TNIK: variants seen among roughly 807,000 people sequenced by gnomAD.
The protein encoded by TNIK is TRAF2 and NCK-interacting protein kinase.
In TNIK, 49 loss-of-function variants were observed where a neutral mutation model predicts 191.3. The observed-to-expected ratio is 0.26, with a 90% confidence interval of 0.20 to 0.32. The LOEUF (loss-of-function observed/expected upper bound fraction) is 0.32, where lower values mean the gene tolerates loss of function less well. TNIK is among the 10% of genes least tolerant of loss of function. The pLI is 1.00. For missense variants in TNIK, 1,155 were observed against 1,702.3 expected (o/e 0.68, Z 5.66); for synonymous variants, 594 against 600.9 (o/e 0.99, Z 0.17).
intron 2 of TNIK, among the ~76,000 whole-genome samples, chr3:171,348,500 A>C (rs1712622901): frequency 6.6e-6 from 1 of 152,162 alleles, no homozygotes; most frequent in Non-Finnish European, 1.5e-5. Flanking sequence ...ACAGCACAGG[A>C]CCTAGAGCCT....
chr3:171,232,785 A>G (rs897291608), intron 2 of TNIK, among the ~76,000 whole-genome samples: 2 of 152,182 alleles, frequency 1.3e-5, no homozygotes, highest in African/African-American at 2.4e-5. Context: ...GCAACAAACT[A>G]TGCTGATCCT....
At chr3:171,148,681 T>TA (rs1355373675) in intron 12 of TNIK, among the ~76,000 whole-genome samples, 1 of 152,200 alleles carries the variant, frequency 6.6e-6, no homozygotes, top group East Asian at 1.9e-4. Context: ...AACTTATACG[T>TA]AGAAAGGTTG....
At chr3:171,333,433 T>G (rs1756610839) in intron 2 of TNIK, among the ~76,000 whole-genome samples, 1 of 151,924 alleles carries the variant, frequency 6.6e-6, no homozygotes, top group Non-Finnish European at 1.5e-5. Context: ...GGCAGCCACC[T>G]GTAATCCCAG....
At chr3:171,166,976 C>G in intron 10 of TNIK, 119 bp downstream of exon 10, 3 of 1,273,182 alleles carry the variant, frequency 2.4e-6, no homozygotes, top group Non-Finnish European at 3.1e-6. Flanking sequence ...GACAGCCCCT[C>G]GCACTAAAGA....
At chr3:171,099,474 G>A (rs1397691955) in intron 22 of TNIK, among the ~76,000 whole-genome samples, 3 of 151,868 alleles carry the variant, frequency 2.0e-5, no homozygotes, top group African/African-American at 7.2e-5. Flanking sequence ...GCAATTAAAT[G>A]TAAATTATAG....
At chr3:171,433,564 GAC>G (rs1725632410) in intron 1 of TNIK, among the ~76,000 whole-genome samples, 1 of 152,008 alleles carries the variant, frequency 6.6e-6, no homozygotes, top group African/African-American at 2.4e-5. Flanking sequence ...TTGCATCACA[GAC>G]ACAGAACACA....
chr3:171,282,334 G>GTTTTTTTTTTTTCTTT (rs201489240), intron 2 of TNIK, among the ~76,000 whole-genome samples: 1 of 114,524 alleles, frequency 8.7e-6, no homozygotes, highest in Non-Finnish European at 1.8e-5. Context: ...TCTCTTAATG[G>GTTTTTTTTTTTTCTTT]TTTTTTGTTT....
At chr3:171,326,339 G>A (rs1003062808) in intron 2 of TNIK, among the ~76,000 whole-genome samples, 15 of 151,808 alleles carry the variant, frequency 9.9e-5, no homozygotes, top group Admixed American at 2.0e-4. Flanking sequence ...ACTGATTCTC[G>A]TTACAGAGTA....
chr3:171,068,075 A>T (rs1344346246), intron 30 of TNIK, among the ~76,000 whole-genome samples: 1 of 152,184 alleles, frequency 6.6e-6, no homozygotes, highest in Non-Finnish European at 1.5e-5. Context: ...TAGTCTTGGG[A>T]TTACACACAG....
chr3:171,367,872 T>C (rs1027981082), intron 2 of TNIK, among the ~76,000 whole-genome samples: 2 of 152,160 alleles, frequency 1.3e-5, no homozygotes, highest in Non-Finnish European at 2.9e-5. Context: ...AAATCTCCTG[T>C]CCCAAAGTTC....
rs548531716 is a variant in TNIK, at chr3:171,061,351, G to A, written c.*2530C>T. On this transcript the variant is annotated 3_prime_UTR_variant, in exon 33 of 33. Coordinates refer to ENST00000436636, the MANE Select transcript of TNIK (RefSeq NM_015028.4). ...TAAAAGGCATGGCTTGATGTTTAAC[G>A]TGTGTTTTATTGTTGTTGGCACCAG... 9.9e-5 allele frequency: 15 copies of A among 152,142 alleles called. No individual in the cohort carries two copies. The East Asian group carries it at 1.3e-3, about 14-fold the overall frequency. 9.4% of individuals were successfully genotyped at this position (152,142 alleles called of 1,614,324 possible). A position where few individuals can be genotyped will look rare whatever the true frequency, so the allele number is the denominator to read the frequency against.
At chr3:171,264,349 C>CAG (rs1748113665) in intron 2 of TNIK, among the ~76,000 whole-genome samples, 1 of 151,862 alleles carries the variant, frequency 6.6e-6, no homozygotes, top group Non-Finnish European at 1.5e-5. Flanking sequence ...CACACACACA[C>CAG]ACATATATAT....
intron 21 of TNIK, among the ~76,000 whole-genome samples, chr3:171,105,117 G>A (rs776084337): frequency 1.7e-4 from 25 of 150,406 alleles, no homozygotes; most frequent in Non-Finnish European, 2.8e-4. Flanking sequence ...AATAACAAGC[G>A]ACAATATTTC....
chr3:171,160,839 G>C (rs1257968673), intron 11 of TNIK, among the ~76,000 whole-genome samples: 2 of 152,132 alleles, frequency 1.3e-5, no homozygotes, highest in African/African-American at 4.8e-5. Context: ...AAATACCAAG[G>C]CATGTGACAA....
chr3:171,436,952 T>G (rs1726104042), intron 1 of TNIK, among the ~76,000 whole-genome samples: 1 of 152,120 alleles, frequency 6.6e-6, no homozygotes, highest in African/African-American at 2.4e-5. Context: ...GTCAAGAACC[T>G]TAACACCCCT....
chr3:171,190,749 T>G lies in TNIK; in HGVS notation c.456A>C (p.Arg152=). 2 of 1,597,442 alleles carry G rather than the reference T, an allele frequency of 1.3e-6. No individual in the cohort carries two copies. Among genetic ancestry groups the G allele is most frequent in the Non-Finnish European group, 1.7e-6 (2 of 1,170,958 alleles). The change falls in exon 6 of 33, where the codon CGA becomes CGC. Residue 152 remains arginine (R), a synonymous_variant. Coordinates refer to ENST00000436636, the MANE Select transcript of TNIK (RefSeq NM_015028.4). ...SHLHQHKVIH[R]DIKGQNVLLT... is the part of the protein sequence containing the mutation. ...GCAAGACATTTTGCCCTTTAATATC[T>G]CGATGAATCACTTTATGCTGGTGCA...
At chr3:171,182,202 G>C (rs1181207609) in intron 7 of TNIK, among the ~76,000 whole-genome samples, 1 of 76,006 alleles carries the variant, frequency 1.3e-5, no homozygotes, top group East Asian at 4.7e-4. Flanking sequence ...TTTTGGCTGG[G>C]GTTCTCTTGT....
intron 7 of TNIK, among the ~76,000 whole-genome samples, chr3:171,178,490 A>T (rs1487762163): frequency 6.6e-6 from 1 of 152,192 alleles, no homozygotes; most frequent in Non-Finnish European, 1.5e-5. Flanking sequence ...AGTGACTTTT[A>T]TTCTCTGAAC....
At position 171,335,817 on chromosome 3, in the gene TNIK, T is replaced by C. The variant is rs55925053; in HGVS notation, c.123+33803A>G. On this transcript the variant is annotated intron_variant, in intron 2 of 32. Transcript: ENST00000436636. ...GATTTGCCAGGTCATCTGGTAGGTG[T>C]ATAAATAACCATAAGAAACTATGAA... is the stretch of plus-strand genomic sequence containing the variant. Among the ~76,000 whole-genome samples the C allele has an allele frequency of 7.8e-3, 1,192 of 152,304 alleles. 17 individuals are homozygous for C. Among genetic ancestry groups the C allele is most frequent in the African/African-American group, 0.027 (1,138 of 41,564 alleles).
Sources: allele counts gnomAD v4.1 joint callset (sites outside exome capture counted in the v4.1 genomes callset), GRCh38; gene constraint gnomAD v4.1.1; transcripts MANE v1.5; gene names NCBI Gene and HGNC (gene_info 2026-07-23, HGNC 2026-07-21).